The following PIK3CA variants were observed in gnomAD, a reference collection of about 807,000 sequenced individuals.
PIK3CA encodes the protein phosphatidylinositol 4,5-bisphosphate 3-kinase catalytic subunit alpha isoform.
PIK3CA carries 27 observed loss-of-function variants against 138.2 expected under a neutral mutation model. The ratio of observed to expected loss-of-function variants is 0.20; its 90% CI spans 0.14 to 0.27. The LOEUF is 0.27. PIK3CA is among the 10% of genes least tolerant of loss of function. PIK3CA has a pLI of 1.00. For synonymous variants in PIK3CA, 358 were observed against 413.2 expected, an observed-to-expected ratio of 0.87 and a Z score of 1.62; for missense variants, 544 against 1,277.4, an observed-to-expected ratio of 0.43 and a Z score of 8.75.
rs556464572 is a variant in PIK3CA at position 179,227,173 on chromosome 3, TTAAG to T, written c.2495+1137_2495+1140del. Among the ~76,000 whole-genome samples, 342 of 152,240 alleles carry T rather than the reference TTAAG, an allele frequency of 2.2e-3. 1 individual carries two copies. Among genetic ancestry groups the T allele is most frequent in the Non-Finnish European group, 3.7e-3 (249 of 67,976 alleles). On this transcript the variant is annotated intron_variant, in intron 17 of 20. Transcript: ENST00000263967. The stretch of plus-strand genomic sequence containing the variant: ...TTGTATTTTCTGAATATTTTTTAAC[TTAAG>T]TAAATATAAGTAAAAATTTTATTTC...
At chr3:179,151,769 G>T (rs1723020277) in intron 1 of PIK3CA, among the ~76,000 whole-genome samples, 1 of 152,084 alleles carries the variant, frequency 6.6e-6, no homozygotes, top group East Asian at 1.9e-4. Flanking sequence ...TGAGACATTT[G>T]AACACTCCAT....
At chr3:179,225,909 C>T (rs2108419249) in intron 16 of PIK3CA, 53 bp from the exon 17 acceptor site, 1 of 882,498 alleles carries the variant, frequency 1.1e-6, no homozygotes, top group South Asian at 1.4e-5. Flanking sequence ...TGGCGTGATC[C>T]CCAAATTTGC....
intron 1 of PIK3CA, among the ~76,000 whole-genome samples, chr3:179,157,927 A>G (rs540309845): frequency 3.3e-5 from 5 of 152,244 alleles, no homozygotes; most frequent in African/African-American, 1.2e-4. Flanking sequence ...CTACATCACA[A>G]TGTTGTAATG....
At chr3:179,228,351 A>G (rs1560148583) in intron 17 of PIK3CA, among the ~76,000 whole-genome samples, 1 of 152,028 alleles carries the variant, frequency 6.6e-6, no homozygotes, top group Non-Finnish European at 1.5e-5. Context: ...AAAATCATGT[A>G]TGGGTAAGAG....
At chr3:179,171,928 CAAGAA>C (rs1445825667) in intron 1 of PIK3CA, among the ~76,000 whole-genome samples, 1 of 151,614 alleles carries the variant, frequency 6.6e-6, no homozygotes, top group East Asian at 1.9e-4. Flanking sequence ...AAAGGCATCC[CAAGAA>C]AAGAAAACTA....
At chr3:179,162,173 A>G (rs533583675) in intron 1 of PIK3CA, among the ~76,000 whole-genome samples, 1 of 152,318 alleles carries the variant, frequency 6.6e-6, no homozygotes, top group East Asian at 1.9e-4. Flanking sequence ...AATGTATGCA[A>G]TACATGTATT....
In PIK3CA at chr3:179,203,491, T is replaced by C. The variant is rs2108392326; in HGVS notation, c.814-53T>C. Reference sequence around the variant, plus strand: ...TAGTCATAATACTCTGACATGTTACTTTTAAAATGAAAAACCTTACAGGAA... The same window carrying C: ...TAGTCATAATACTCTGACATGTTACCTTTAAAATGAAAAACCTTACAGGAA... On this transcript the variant is annotated intron_variant, in intron 4 of 20. Transcript: ENST00000263967. 4 of 1,539,970 alleles carry C rather than the reference T, an allele frequency of 2.6e-6. No individual in the cohort carries two copies. In the Admixed American group the frequency reaches 8.1e-5, roughly 31 times the overall value.
intron 1 of PIK3CA, among the ~76,000 whole-genome samples, chr3:179,177,286 G>A (rs904781696): frequency 6.7e-6 from 1 of 148,846 alleles, no homozygotes; most frequent in Non-Finnish European, 1.5e-5. Context: ...TGGCATCTTG[G>A]TATTATAGCA....
intron 5 of PIK3CA, 86 bp from the exon 6 acceptor site, chr3:179,204,417 C>T (rs550655821): frequency 1.5e-5 from 9 of 601,076 alleles, no homozygotes; most frequent in East Asian, 2.7e-5. Context: ...ACAAAAATTC[C>T]GTGGTTTTAT....
At chr3:179,194,300 T>G (rs1724209596) in intron 1 of PIK3CA, among the ~76,000 whole-genome samples, 1 of 152,172 alleles carries the variant, frequency 6.6e-6, no homozygotes, top group African/African-American at 2.4e-5. Flanking sequence ...CACGGCTTGC[T>G]GCAGCCTTGA....
intron 6 of PIK3CA, among the ~76,000 whole-genome samples, chr3:179,207,359 G>A (rs555173485): frequency 2.2e-4 from 34 of 152,212 alleles, no homozygotes; most frequent in African/African-American, 8.2e-4. Context: ...GTGTGTTGTG[G>A]GATGGATGGA....
Position 179,220,189 on chromosome 3 carries a change from A to G in PIK3CA, c.2015+137A>G, listed in dbSNP as rs2108412428. On this transcript the variant is annotated intron_variant, in intron 13 of 20. Coordinates refer to ENST00000263967, the MANE Select transcript of PIK3CA (RefSeq NM_006218.4). This position sits in a 1 kb window ranked among gnomAD's most constrained non-coding sequence, Gnocchi z 4.1. ...GTTTTCCATACTAAAAGTATTTTGTACCAGTGATGAGCTTCTCAACTTTTG... is the reference window on the plus strand; with the variant it reads ...GTTTTCCATACTAAAAGTATTTTGTGCCAGTGATGAGCTTCTCAACTTTTG... 2.4e-6 allele frequency: 2 copies of G among 842,054 alleles called. No homozygotes were observed. Among genetic ancestry groups the G allele is most frequent in the Non-Finnish European group, 1.7e-6 (1 of 593,060 alleles). The allele number at this position is 842,054 out of a possible 1,614,324, so 52.2% of individuals were successfully genotyped here.
At chr3:179,223,858 A>G (rs796455860) in intron 14 of PIK3CA, among the ~76,000 whole-genome samples, 8 of 152,226 alleles carry the variant, frequency 5.3e-5, no homozygotes, top group African/African-American at 1.9e-4. Context: ...AGCAGATTTC[A>G]TCTTCTTACA....
chr3:179,206,873 C>T (rs1024626888), intron 6 of PIK3CA, among the ~76,000 whole-genome samples: 2 of 148,390 alleles, frequency 1.3e-5, no homozygotes, highest in Non-Finnish European at 3.0e-5. Flanking sequence ...GAGCCATGAT[C>T]GTACTACTGC....
intron 1 of PIK3CA, among the ~76,000 whole-genome samples, chr3:179,184,937 A>G (rs771584977): frequency 2.0e-5 from 3 of 152,264 alleles, no homozygotes; most frequent in Non-Finnish European, 4.4e-5. Context: ...GAGTATCACT[A>G]GAAGGGATAG....
intron 1 of PIK3CA, among the ~76,000 whole-genome samples, chr3:179,151,163 G>C (rs1390135731): frequency 6.6e-6 from 1 of 152,218 alleles, no homozygotes; most frequent in Non-Finnish European, 1.5e-5. Flanking sequence ...TATTAGCACA[G>C]TTATCAAATA....
intron 1 of PIK3CA, among the ~76,000 whole-genome samples, chr3:179,168,287 G>T (rs532145010): frequency 3.3e-5 from 5 of 152,182 alleles, no homozygotes; most frequent in Non-Finnish European, 7.4e-5. Flanking sequence ...AGTTTGCTGA[G>T]TATAGAATTC....
In PIK3CA at chr3:179,239,223, A is replaced by G. The variant is rs1725391284; in HGVS notation, c.*4859A>G. The G allele has an allele frequency of 4.9e-6, 1 of 205,424 alleles. No individual in the cohort carries two copies. The highest frequency in any genetic ancestry group is 2.3e-5 in the African/African-American group (1 of 43,792). The allele number at this position is 205,424 out of a possible 1,614,324, so 12.7% of individuals were successfully genotyped here. ...TTTAAATGTATTTTTTTAGCCAGTT[A>G]AAGTCTATGAATCTATCTGCAACCT... On this transcript the variant is annotated 3_prime_UTR_variant, in exon 21 of 21. Transcript: ENST00000263967.
At position 179,220,174 on chromosome 3, in the gene PIK3CA, C is replaced by G. The variant is rs896559042; in HGVS notation, c.2015+122C>G. On this transcript the variant is annotated intron_variant, in intron 13 of 20. Transcript: ENST00000263967. The surrounding 1 kb of genome is among the most constrained non-coding windows in gnomAD (Gnocchi z 4.1). ...TGTTTGGCTGGAAGAGTTTTCCATA[C>G]TAAAAGTATTTTGTACCAGTGATGA... 1.1e-6 allele frequency: 1 copy of G among 941,960 alleles called. No individual in the cohort carries two copies. The highest frequency in any genetic ancestry group is 1.5e-6 in the Non-Finnish European group (1 of 680,152). The allele number at this position is 941,960 out of a possible 1,614,324, so 58.4% of individuals were successfully genotyped here. A position where few individuals can be genotyped will look rare whatever the true frequency, so the allele number is the denominator to read the frequency against.
Sources: allele counts gnomAD v4.1 joint callset (sites outside exome capture counted in the v4.1 genomes callset), GRCh38; gene constraint gnomAD v4.1.1; non-coding constraint Gnocchi (gnomAD v3.1); transcripts MANE v1.5; gene names NCBI Gene and HGNC (gene_info 2026-07-23, HGNC 2026-07-21).